The following RAB21 variants were observed in gnomAD, a reference collection of about 807,000 sequenced individuals.
RAB21 encodes ras-related protein Rab-21.
Under a neutral mutation model 33.1 loss-of-function variants are expected in RAB21, and 13 were observed. The ratio of observed to expected loss-of-function variants is 0.39; its 90% confidence interval spans 0.26 to 0.62. RAB21 has a LOEUF of 0.62. RAB21 is among the 20% of genes least tolerant of loss of function. The pLI, the probability that RAB21 is intolerant of heterozygous loss-of-function variation, is 0.48. For synonymous variants in RAB21, 91 were observed against 103.7 expected (o/e 0.88, Z 0.74); for missense variants, 234 against 279.1 (o/e 0.84, Z 1.15).
At chr12:71,772,622 A>T (rs554913531) in intron 3 of RAB21, among the ~76,000 whole-genome samples, 1 of 152,214 alleles carries the variant, frequency 6.6e-6, no homozygotes, top group Non-Finnish European at 1.5e-5. Flanking sequence ...CTATATGCAC[A>T]TGGAAGAGAG....
rs1375207159 is a variant in RAB21, at chr12:71,785,889, GT to G, written c.*226del. Reference sequence around the variant, plus strand: ...GCATTTTCTACAAATGTTTTTTTTTGTTTTTTTTTTGTTTTTTTTTGTTTTT... The same window carrying G: ...GCATTTTCTACAAATGTTTTTTTTTGTTTTTTTTTGTTTTTTTTTGTTTTT... On this transcript the variant is annotated 3_prime_UTR_variant, in exon 7 of 7. Transcript: ENST00000261263. The G allele has an allele frequency of 9.0e-4, 369 of 409,872 alleles. No individual in the cohort carries two copies. Among genetic ancestry groups the G allele is most frequent in the Middle Eastern group, 1.4e-3 (2 of 1,468 alleles). The allele number at this position is 409,872 out of a possible 1,614,324, so 25.4% of individuals were successfully genotyped here. A position where few individuals can be genotyped will look rare whatever the true frequency, so the allele number is the denominator to read the frequency against.
Position 71,755,274 on chromosome 12 carries a change from A to G in RAB21, c.145A>G (p.Ile49Val), listed in dbSNP as rs1258409795. The change falls in exon 1 of 7, where the codon ATC (isoleucine) becomes GTC (valine). Residue 49 changes from isoleucine to valine, a missense_variant. By Grantham distance (29) the Ile-to-Val change is conservative. Transcript: ENST00000261263. ...YCENKFNDKHITTLQASFLTK... is the reference protein window; with the variant it reads ...YCENKFNDKHVTTLQASFLTK... ...CGAGAACAAGTTTAACGACAAGCAC[A>G]TCACCACTCTGCAGGTGCGGACCTC... 2 of 1,533,672 alleles carry G rather than the reference A, an allele frequency of 1.3e-6. No individual in the cohort carries two copies. The highest frequency in any genetic ancestry group is 1.4e-5 in the African/African-American group (1 of 70,044).
rs1025991428 is a variant in RAB21 at position 71,795,049 on chromosome 12, TG to T, written c.*9382del. On this transcript the variant is annotated 3_prime_UTR_variant, in exon 7 of 7. Transcript: ENST00000261263. ...TGACAGGGATAAGATTATTGAAAAT[TG>T]GGGGGAATTTTCTTAAATATGGAAC... The T allele has an allele frequency of 1.5e-4, 23 of 152,172 alleles. No individual in the cohort carries two copies. Among genetic ancestry groups the T allele is most frequent in the African/African-American group, 5.3e-4 (22 of 41,534 alleles). 9.4% of individuals were successfully genotyped at this position (152,172 alleles called of 1,614,324 possible).
Position 71,796,763 on chromosome 12 carries a change from A to T in RAB21, c.*11090A>T, listed in dbSNP as rs1475230589. 6.6e-6 allele frequency: 1 copy of T among 151,364 alleles called. No individual in the cohort carries two copies. Among genetic ancestry groups the T allele is most frequent in the South Asian group, 2.1e-4 (1 of 4,746 alleles). 9.4% of individuals were successfully genotyped at this position (151,364 alleles called of 1,614,324 possible). On this transcript the variant is annotated 3_prime_UTR_variant, in exon 7 of 7. Transcript: ENST00000261263. The stretch of plus-strand genomic sequence containing the variant: ...GACAATGTTGAGTATCATCAAGAAC[A>T]TTTAATCAAACCTGTTGACTAAGAG...
chr12:71,767,542 G>A (rs1406171332), intron 1 of RAB21, among the ~76,000 whole-genome samples: 1 of 152,004 alleles, frequency 6.6e-6, no homozygotes, highest in African/African-American at 2.4e-5. Flanking sequence ...GGAAGCTTTG[G>A]GAAGATAATA....
Position 71,790,798 on chromosome 12 carries a change from C to G in RAB21, c.*5125C>G, listed in dbSNP as rs1883369785. On this transcript the variant is annotated 3_prime_UTR_variant, in exon 7 of 7. Transcript: ENST00000261263. The stretch of plus-strand genomic sequence containing the variant: ...TTTGCCTTTTCTCTTGCCAACGTGT[C>G]TAGGAGCTCTTTGGTAAATACAGAC... 1 of 151,864 alleles carries G rather than the reference C, an allele frequency of 6.6e-6. No individual in the cohort carries two copies. The highest frequency in any genetic ancestry group is 2.1e-4 in the South Asian group (1 of 4,818). The allele number at this position is 151,864 out of a possible 1,614,324, so 9.4% of individuals were successfully genotyped here.
rs1203928595 is a variant in RAB21, at chr12:71,787,219, A to T, written c.*1546A>T. The T allele has an allele frequency of 6.6e-6, 1 of 152,204 alleles. No individual in the cohort carries two copies. 9.4% of individuals were successfully genotyped at this position (152,204 alleles called of 1,614,324 possible). A position where few individuals can be genotyped will look rare whatever the true frequency, so the allele number is the denominator to read the frequency against. On this transcript the variant is annotated 3_prime_UTR_variant, in exon 7 of 7. Coordinates refer to ENST00000261263, the MANE Select transcript of RAB21 (RefSeq NM_014999.4). Reference sequence around the variant, plus strand: ...CACTGGAAAGATTTATTAAAGAATTATATTTGTGTATACTTTATAAATTAG... The same window carrying T: ...CACTGGAAAGATTTATTAAAGAATTTTATTTGTGTATACTTTATAAATTAG...
intron 4 of RAB21, among the ~76,000 whole-genome samples, chr12:71,781,466 CAAA>C (rs35453463): frequency 5.4e-5 from 6 of 110,404 alleles, no homozygotes; most frequent in African/African-American, 6.7e-5. Context: ...GAGACTCCGT[CAAA>C]AAAAAAAAAA....
intron 6 of RAB21, among the ~76,000 whole-genome samples, chr12:71,783,346 C>A (rs1156349966): frequency 2.0e-5 from 3 of 151,672 alleles, no homozygotes; most frequent in Admixed American, 6.6e-5. Context: ...AAAATCATTT[C>A]TTATATTACC....
chr12:71,779,185 C>T (rs1041916396), intron 4 of RAB21, among the ~76,000 whole-genome samples: 10 of 152,108 alleles, frequency 6.6e-5, no homozygotes, highest in Non-Finnish European at 2.9e-5. Flanking sequence ...TATGGCCAGG[C>T]GTGGTGACTC....
rs181224718 is a variant in RAB21, at chr12:71,757,321, A to G, written c.159+2033A>G. 5.4e-3 allele frequency among the ~76,000 whole-genome samples: 823 copies of G among 152,180 alleles called. 10 individuals are homozygous for G. The highest frequency in any genetic ancestry group is 0.019 in the African/African-American group (782 of 41,540). ...AACGGGGTTTCACCATGTTGTCCAG[A>G]CAGGTCTCGAACTCCTGACCTCAGG... On this transcript the variant is annotated intron_variant, in intron 1 of 6. Coordinates refer to ENST00000261263, the MANE Select transcript of RAB21 (RefSeq NM_014999.4).
rs1366133980 is a variant in RAB21, at chr12:71,797,916, T to C, written c.*12243T>C. 2.0e-5 allele frequency: 3 copies of C among 152,090 alleles called. No homozygotes were observed. The highest frequency in any genetic ancestry group is 2.0e-4 in the Admixed American group (3 of 15,266). The allele number at this position is 152,090 out of a possible 1,614,324, so 9.4% of individuals were successfully genotyped here. A position where few individuals can be genotyped will look rare whatever the true frequency, so the allele number is the denominator to read the frequency against. Reference sequence around the variant, plus strand: ...TGGATTCATACCTCATAAACCAAAATGCATTCCAGTTTAAATATGAAAACT... The same window carrying C: ...TGGATTCATACCTCATAAACCAAAACGCATTCCAGTTTAAATATGAAAACT... On this transcript the variant is annotated 3_prime_UTR_variant, in exon 7 of 7. Coordinates refer to ENST00000261263, the MANE Select transcript of RAB21 (RefSeq NM_014999.4).
chr12:71,765,118 A>G (rs1882940043), intron 1 of RAB21, among the ~76,000 whole-genome samples: 1 of 152,148 alleles, frequency 6.6e-6, no homozygotes, highest in Non-Finnish European at 1.5e-5. Context: ...CCACACCAAC[A>G]TCTATTGTTA....
At position 71,778,702 on chromosome 12, in the gene RAB21, A is replaced by G. The variant is rs571067447; in HGVS notation, c.392-3329A>G. ...ACTATTATATGTTATAATAAATGCT[A>G]TGGAAGGGAAATGCAGAATGGAGTG... is the stretch of plus-strand genomic sequence containing the variant. On this transcript the variant is annotated intron_variant, in intron 4 of 6. Transcript: ENST00000261263. Among the ~76,000 whole-genome samples the G allele has an allele frequency of 6.6e-5, 10 of 152,346 alleles. No homozygotes were observed. In the South Asian group the frequency reaches 1.2e-3, roughly 19 times the overall value.
chr12:71,779,836 C>G (rs770514526), intron 4 of RAB21, among the ~76,000 whole-genome samples: 1 of 152,030 alleles, frequency 6.6e-6, no homozygotes, highest in Admixed American at 6.6e-5. Flanking sequence ...CAGAAAGTTC[C>G]GTATGTAGCT....
At position 71,790,594 on chromosome 12, in the gene RAB21, A is replaced by AT. The variant is rs1883366512; in HGVS notation, c.*4923dup. 6.6e-6 allele frequency: 1 copy of AT among 152,148 alleles called. No homozygotes were observed. The highest frequency in any genetic ancestry group is 1.9e-4 in the East Asian group (1 of 5,186). The allele number at this position is 152,148 out of a possible 1,614,324, so 9.4% of individuals were successfully genotyped here. A position where few individuals can be genotyped will look rare whatever the true frequency, so the allele number is the denominator to read the frequency against. ...TCTAGGAAAAGAATAAAAAACATAT[A>AT]TTGTCAAAGTGCCCTTTGGTAGTGC... On this transcript the variant is annotated 3_prime_UTR_variant, in exon 7 of 7. Transcript: ENST00000261263.
intron 4 of RAB21, among the ~76,000 whole-genome samples, chr12:71,776,302 G>T (rs955057869): frequency 4.7e-5 from 7 of 150,510 alleles, no homozygotes; most frequent in Non-Finnish European, 1.0e-4. Context: ...AAGTGTGTTT[G>T]TTTTTTTTTA....
chr12:71,778,091 G>T (rs1883147189), intron 4 of RAB21, among the ~76,000 whole-genome samples: 1 of 152,102 alleles, frequency 6.6e-6, no homozygotes, highest in South Asian at 2.1e-4. Context: ...GAATCTTTAT[G>T]TTTGATATAC....
intron 6 of RAB21, among the ~76,000 whole-genome samples, chr12:71,784,581 T>A (rs1883255755): frequency 6.6e-6 from 1 of 152,188 alleles, no homozygotes; most frequent in Non-Finnish European, 1.5e-5. Context: ...TATTCTTTCT[T>A]CATTGAATAA....
Sources: gnomAD v4.1 joint callset for allele counts (sites outside exome capture counted in the v4.1 genomes callset) on GRCh38, gnomAD v4.1.1 for gene constraint, MANE v1.5 for transcripts, NCBI Gene and HGNC (gene_info 2026-07-23, HGNC 2026-07-21) for gene names.